OR5M1: variants seen among roughly 807,000 people sequenced by gnomAD.
The protein encoded by OR5M1 is olfactory receptor 5M1.
For synonymous variants in OR5M1, 165 were observed against 144.2 expected, an observed-to-expected ratio of 1.14 and a Z score of -1.04; for missense variants, 367 against 379.5, an observed-to-expected ratio of 0.97 and a Z score of 0.27.
intron 1 of OR5M1, among the ~76,000 whole-genome samples, chr11:56,613,862 A>G (rs1565024311): frequency 6.6e-6 from 1 of 152,204 alleles, no homozygotes; most frequent in Non-Finnish European, 1.5e-5. Flanking sequence ...GAGGAAACAA[A>G]AAATCCAAAG....
At chr11:56,613,680 G>T (rs1033276994) in intron 1 of OR5M1, among the ~76,000 whole-genome samples, 161 bp from the exon 2 acceptor site, 61 of 152,164 alleles carry the variant, frequency 4.0e-4, no homozygotes, top group Non-Finnish European at 5.4e-4. Context: ...CTCCCTATAT[G>T]TCTGTTTTAA....
At position 56,613,465 on chromosome 11, in the gene OR5M1, A is replaced by C. The variant is rs1853709157; in HGVS notation, c.38T>G (p.Ile13Ser). Residue 13 changes from isoleucine to serine, a missense_variant, in exon 2 of 2, where the codon ATT (isoleucine) becomes AGT (serine). Transcript: ENST00000641076. ...TGGGTCGTCTGTCAGTCCCAAGAGAATGAATTCTGTCACTATGGTGTGGTT... is the reference window on the plus strand; with the variant it reads ...TGGGTCGTCTGTCAGTCCCAAGAGACTGAATTCTGTCACTATGGTGTGGTT... Reference protein sequence around the residue: ...SPNHTIVTEFILLGLTDDPVL... With the variant: ...SPNHTIVTEFSLLGLTDDPVL... 1.2e-6 allele frequency: 2 copies of C among 1,613,612 alleles called. No individual in the cohort carries two copies. The highest frequency in any genetic ancestry group is 4.5e-5 in the East Asian group (2 of 44,866).
At position 56,611,933 on chromosome 11, in the gene OR5M1, T is replaced by G. The variant is rs1853683779; in HGVS notation, c.*622A>C. The G allele has an allele frequency of 6.6e-6, 1 of 152,086 alleles. No homozygotes were observed. Among genetic ancestry groups the G allele is most frequent in the African/African-American group, 2.4e-5 (1 of 41,426 alleles). 9.4% of individuals were successfully genotyped at this position (152,086 alleles called of 1,614,324 possible). A position where few individuals can be genotyped will look rare whatever the true frequency, so the allele number is the denominator to read the frequency against. On this transcript the variant is annotated 3_prime_UTR_variant, in exon 2 of 2. Transcript: ENST00000641076. ...CACTTGGAAACTCATAAAAAGGTGT[T>G]GAGAGTTGATTTTCAGAATCAAGGA...
Position 56,612,909 on chromosome 11 carries a change from T to C in OR5M1, c.594A>G (p.Ala198=). Residue 198 remains alanine (A), a synonymous_variant, in exon 2 of 2, where the codon GCA becomes GCG. Transcript: ENST00000641076. ...ACSDTRVKKM[A]MFVVAGFNLS... is the part of the protein sequence containing the mutation. ...GATTAAAGCCTGCAACTACAAACAT[T>C]GCCATCTTTTTGACACGGGTGTCAG... is the stretch of plus-strand genomic sequence containing the variant. 1 of 1,613,710 alleles carries C rather than the reference T, an allele frequency of 6.2e-7. No homozygotes were observed. The highest frequency in any genetic ancestry group is 8.5e-7 in the Non-Finnish European group (1 of 1,179,742).
chr11:56,614,658 C>T (rs1464535270), intron 1 of OR5M1, among the ~76,000 whole-genome samples, 199 bp downstream of exon 1: 1 of 151,970 alleles, frequency 6.6e-6, no homozygotes, highest in African/African-American at 2.4e-5. Context: ...ATGTATACAT[C>T]AAAAGAGCTT....
In OR5M1 at chr11:56,612,725, C is replaced by A. The variant is rs375403564; in HGVS notation, c.778G>T (p.Val260Leu). Residue 260 changes from valine (V) to leucine (L), a missense_variant, in exon 2 of 2, where the codon GTA becomes TTA. Physicochemically the swap from Val to Leu is conservative, Grantham distance 32 (BLOSUM62 1). Coordinates refer to ENST00000641076, the MANE Select transcript of OR5M1 (RefSeq NM_001004740.2). ...LFYGTLFCMY[V>L]RPPSEKSVEE... ...ACAGACTTCTCTGATGGAGGCCTTA[C>A]GTACATGCAGAAGAGGGTTCCATAA... The A allele has an allele frequency of 5.0e-6, 8 of 1,613,624 alleles. No individual in the cohort carries two copies. Among genetic ancestry groups the A allele is most frequent in the Non-Finnish European group, 5.9e-6 (7 of 1,179,784 alleles).
chr11:56,612,513 T>C lies in OR5M1; in HGVS notation c.*42A>G. 6.8e-7 allele frequency: 1 copy of C among 1,468,870 alleles called. No homozygotes were observed. Among genetic ancestry groups the C allele is most frequent in the Non-Finnish European group, 9.2e-7 (1 of 1,085,456 alleles). The allele number at this position is 1,468,870 out of a possible 1,614,324, so 91.0% of individuals were successfully genotyped here. ...GGTTTTTCCATTTCAAAAGCCAGTT[T>C]GTTACTCCACAAGCAATTCGTGACT... On this transcript the variant is annotated 3_prime_UTR_variant, in exon 2 of 2. Coordinates refer to ENST00000641076, the MANE Select transcript of OR5M1 (RefSeq NM_001004740.2).
rs1437540303 is a variant in OR5M1, at chr11:56,609,366, T to C, written c.*3189A>G. ...TAGCATGAAGAGAAATTATCAACCT[T>C]ATGTGTAGCCTTCATTTGTTCAATA... On this transcript the variant is annotated 3_prime_UTR_variant, in exon 2 of 2. Coordinates refer to ENST00000641076, the MANE Select transcript of OR5M1 (RefSeq NM_001004740.2). 6.6e-6 allele frequency: 1 copy of C among 151,984 alleles called. No homozygotes were observed. The highest frequency in any genetic ancestry group is 1.5e-5 in the Non-Finnish European group (1 of 67,868). 9.4% of individuals were successfully genotyped at this position (151,984 alleles called of 1,614,324 possible). A position where few individuals can be genotyped will look rare whatever the true frequency, so the allele number is the denominator to read the frequency against.
chr11:56,612,937 C>A lies in OR5M1; in HGVS notation c.566G>T (p.Cys189Phe), dbSNP rs572117895. The A allele has an allele frequency of 9.9e-6, 16 of 1,613,684 alleles. No homozygotes were observed. In the East Asian group the frequency reaches 3.6e-4, roughly 36 times the overall value. Reference sequence around the variant, plus strand: ...CATCTTTTTGACACGGGTGTCAGAGCAGGCCAGCATGATAAGAGGAGGATC... The same window carrying A: ...CATCTTTTTGACACGGGTGTCAGAGAAGGCCAGCATGATAAGAGGAGGATC... ...CADPPLIMLA[C>F]SDTRVKKMAM... The change falls in exon 2 of 2, where the codon TGC (cysteine) becomes TTC (phenylalanine). Residue 189 changes from cysteine (C) to phenylalanine (F), a missense_variant. By Grantham distance (205) the Cys-to-Phe change is radical. Coordinates refer to ENST00000641076, the MANE Select transcript of OR5M1 (RefSeq NM_001004740.2).
rs1853659961 is a variant in OR5M1 at position 56,610,280 on chromosome 11, A to G, written c.*2275T>C. The G allele has an allele frequency of 6.6e-6, 1 of 152,088 alleles. No individual in the cohort carries two copies. Among genetic ancestry groups the G allele is most frequent in the African/African-American group, 2.4e-5 (1 of 41,454 alleles). The allele number at this position is 152,088 out of a possible 1,614,324, so 9.4% of individuals were successfully genotyped here. On this transcript the variant is annotated 3_prime_UTR_variant, in exon 2 of 2. Transcript: ENST00000641076. The stretch of plus-strand genomic sequence containing the variant: ...CTCCCTTCACATGGACGTTAAGACA[A>G]TTTTAATTATAATGCCTATAAATTA...
chr11:56,613,280 A>G lies in OR5M1; in HGVS notation c.223T>C (p.Ser75Pro). Residue 75 changes from serine to proline, a missense_variant, in exon 2 of 2, where the codon TCC becomes CCC. Coordinates refer to ENST00000641076, the MANE Select transcript of OR5M1 (RefSeq NM_001004740.2). ...TGCAGCATATTTGGAGTAACATTGGAAGAATAGCAAATGTCTACAAAGGAG... is the reference window on the plus strand; with the variant it reads ...TGCAGCATATTTGGAGTAACATTGGGAGAATAGCAAATGTCTACAAAGGAG... The part of the protein sequence containing the change: ...HLSFVDICYS[S>P]NVTPNMLHNF... 6.2e-7 allele frequency: 1 copy of G among 1,613,698 alleles called. No homozygotes were observed. The highest frequency in any genetic ancestry group is 1.1e-5 in the South Asian group (1 of 91,074).
Position 56,611,718 on chromosome 11 carries a change from A to G in OR5M1, c.*837T>C, listed in dbSNP as rs568761176. ...GCTTCATGAAGCAAAATAAACACTGAGTATTTCCTCCAGAAACATATATAC... is the reference window on the plus strand; with the variant it reads ...GCTTCATGAAGCAAAATAAACACTGGGTATTTCCTCCAGAAACATATATAC... On this transcript the variant is annotated 3_prime_UTR_variant, in exon 2 of 2. Transcript: ENST00000641076. 63 of 152,238 alleles carry G rather than the reference A, an allele frequency of 4.1e-4. No individual in the cohort carries two copies. Among genetic ancestry groups the G allele is most frequent in the African/African-American group, 1.4e-3 (58 of 41,544 alleles). 9.4% of individuals were successfully genotyped at this position (152,238 alleles called of 1,614,324 possible).
Position 56,612,322 on chromosome 11 carries a change from T to C in OR5M1, c.*233A>G. Reference sequence around the variant, plus strand: ...AGTATTTTCATATAGAATTATTAGATACTAAAAAATTTATTTTCATAGAAT... The same window carrying C: ...AGTATTTTCATATAGAATTATTAGACACTAAAAAATTTATTTTCATAGAAT... On this transcript the variant is annotated 3_prime_UTR_variant, in exon 2 of 2. Coordinates refer to ENST00000641076, the MANE Select transcript of OR5M1 (RefSeq NM_001004740.2). 1 of 307,122 alleles carries C rather than the reference T, an allele frequency of 3.3e-6. No individual in the cohort carries two copies. The highest frequency in any genetic ancestry group is 8.4e-5 in the South Asian group (1 of 11,862). 19.0% of individuals were successfully genotyped at this position (307,122 alleles called of 1,614,324 possible). A position where few individuals can be genotyped will look rare whatever the true frequency, so the allele number is the denominator to read the frequency against.
In OR5M1 at chr11:56,611,524, G is replaced by A. The variant is rs948999528; in HGVS notation, c.*1031C>T. 6.6e-6 allele frequency: 1 copy of A among 152,022 alleles called. No homozygotes were observed. The highest frequency in any genetic ancestry group is 1.5e-5 in the Non-Finnish European group (1 of 68,010). The allele number at this position is 152,022 out of a possible 1,614,324, so 9.4% of individuals were successfully genotyped here. On this transcript the variant is annotated 3_prime_UTR_variant, in exon 2 of 2. Coordinates refer to ENST00000641076, the MANE Select transcript of OR5M1 (RefSeq NM_001004740.2). ...AATATTAAAATGCCAAACATATGAG[G>A]CAATTTATTAGGGCTAAATACATAT...
In OR5M1 at chr11:56,612,077, G is replaced by A. The variant is rs1853686112; in HGVS notation, c.*478C>T. ...AGTGACCCATATATTTATATTTTTT[G>A]CACATTGATTACAATAAGCACAAAG... On this transcript the variant is annotated 3_prime_UTR_variant, in exon 2 of 2. Coordinates refer to ENST00000641076, the MANE Select transcript of OR5M1 (RefSeq NM_001004740.2). 1 of 152,224 alleles carries A rather than the reference G, an allele frequency of 6.6e-6. No homozygotes were observed. Among genetic ancestry groups the A allele is most frequent in the African/African-American group, 2.4e-5 (1 of 41,432 alleles). 9.4% of individuals were successfully genotyped at this position (152,224 alleles called of 1,614,324 possible). A position where few individuals can be genotyped will look rare whatever the true frequency, so the allele number is the denominator to read the frequency against.
rs1198086995 is a variant in OR5M1 at position 56,609,284 on chromosome 11, G to A, written c.*3271C>T. The A allele has an allele frequency of 6.6e-6, 1 of 151,892 alleles. No homozygotes were observed. The highest frequency in any genetic ancestry group is 1.5e-5 in the Non-Finnish European group (1 of 67,788). The allele number at this position is 151,892 out of a possible 1,614,324, so 9.4% of individuals were successfully genotyped here. ...ACTTACATAACAGCAATAAGCAAAA[G>A]GTCACATTTTTCCAAATAGAAATAC... On this transcript the variant is annotated 3_prime_UTR_variant, in exon 2 of 2. Transcript: ENST00000641076.
At chr11:56,614,315 A>G (rs771189895) in intron 1 of OR5M1, among the ~76,000 whole-genome samples, 5 of 152,214 alleles carry the variant, frequency 3.3e-5, no homozygotes, top group Non-Finnish European at 7.3e-5. Flanking sequence ...AAAGTTACAT[A>G]CAATTTCAGG....
Position 56,612,644 on chromosome 11 carries a change from G to T in OR5M1, c.859C>A (p.Pro287Thr), listed in dbSNP as rs764902404. 5 of 1,613,634 alleles carry T rather than the reference G, an allele frequency of 3.1e-6. No individual in the cohort carries two copies. In the South Asian group the frequency reaches 5.5e-5, roughly 18 times the overall value. Reference protein sequence around the residue: ...FYTFLSPMLNPLIYSLRNTDV... With the variant: ...FYTFLSPMLNTLIYSLRNTDV... ...GTGTTCCGTAGGCTATAGATCAATG[G>T]GTTCAGCATTGGGCTCAAAAAAGTA... Residue 287 changes from proline (P) to threonine (T), a missense_variant, in exon 2 of 2, where the codon CCA becomes ACA. Coordinates refer to ENST00000641076, the MANE Select transcript of OR5M1 (RefSeq NM_001004740.2).
In OR5M1 at chr11:56,610,870, T is replaced by C. The variant is rs759037887; in HGVS notation, c.*1685A>G. On this transcript the variant is annotated 3_prime_UTR_variant, in exon 2 of 2. Coordinates refer to ENST00000641076, the MANE Select transcript of OR5M1 (RefSeq NM_001004740.2). ...CTAAAAGGATGTCAAAGTTTAAAAA[T>C]GGTTGCTGCAAGCCAGAGCAATTCT... 1 of 152,136 alleles carries C rather than the reference T, an allele frequency of 6.6e-6. No individual in the cohort carries two copies. The highest frequency in any genetic ancestry group is 1.5e-5 in the Non-Finnish European group (1 of 68,002). The allele number at this position is 152,136 out of a possible 1,614,324, so 9.4% of individuals were successfully genotyped here. A position where few individuals can be genotyped will look rare whatever the true frequency, so the allele number is the denominator to read the frequency against.
Sources: allele counts gnomAD v4.1 joint callset (sites outside exome capture counted in the v4.1 genomes callset), GRCh38; gene constraint gnomAD v4.1.1; transcripts MANE v1.5; gene names NCBI Gene and HGNC (gene_info 2026-07-23, HGNC 2026-07-21).